CLIP2: variants seen among roughly 807,000 people sequenced by gnomAD.
CLIP2 encodes CAP-Gly domain-containing linker protein 2.
A neutral mutation model predicts 111.7 loss-of-function variants in CLIP2; 41 were observed. The observed-to-expected ratio is 0.37, with a 90% CI of 0.29 to 0.48. CLIP2 has a LOEUF of 0.48. CLIP2 is among the 20% of genes least tolerant of loss of function. The pLI is 0.99. For synonymous variants in CLIP2, 660 were observed against 644.2 expected (o/e 1.02, Z -0.37); for missense variants, 1,160 against 1,422.1 (o/e 0.82, Z 2.96).
chr7:74,327,782 G>T (rs1789158241), intron 2 of CLIP2, among the ~76,000 whole-genome samples: 1 of 152,180 alleles, frequency 6.6e-6, no homozygotes, highest in Non-Finnish European at 1.5e-5. Flanking sequence ...CGATCTGACG[G>T]GGCGGGGGTC....
At chr7:74,318,187 C>T (rs1210208001) in intron 2 of CLIP2, among the ~76,000 whole-genome samples, 2 of 151,564 alleles carry the variant, frequency 1.3e-5, no homozygotes, top group Admixed American at 6.6e-5. Flanking sequence ...GTAGAGGGAA[C>T]AGCACATGCA....
intron 6 of CLIP2, among the ~76,000 whole-genome samples, chr7:74,358,044 T>A (rs1243874191): frequency 1.4e-5 from 2 of 139,964 alleles, no homozygotes; most frequent in Non-Finnish European, 3.1e-5. Flanking sequence ...TGTGAGCCAC[T>A]GCAAGGGTTT....
Position 74,339,150 on chromosome 7 carries a change from C to T in CLIP2, c.678+146C>T, listed in dbSNP as rs1328389430. 1.2e-5 allele frequency: 8 copies of T among 681,096 alleles called. No homozygotes were observed. The African/African-American group carries it at 1.3e-4, about 11-fold the overall frequency. The allele number at this position is 681,096 out of a possible 1,614,324, so 42.2% of individuals were successfully genotyped here. A position where few individuals can be genotyped will look rare whatever the true frequency, so the allele number is the denominator to read the frequency against. ...AGGGTCCAGCCTGGGACACCCATTC[C>T]TTATCAGGACCATACAGAGTGACAA... is the stretch of plus-strand genomic sequence containing the variant. On this transcript the variant is annotated intron_variant, in intron 3 of 16. Transcript: ENST00000223398.
intron 1 of CLIP2, among the ~76,000 whole-genome samples, chr7:74,315,848 A>C (rs1307709941): frequency 1.3e-5 from 2 of 150,634 alleles, no homozygotes; most frequent in Admixed American, 1.3e-4. Context: ...TTGGGATTAC[A>C]GGCGTGAGCC....
chr7:74,337,457 G>A (rs1789505573), intron 2 of CLIP2, among the ~76,000 whole-genome samples: 1 of 152,078 alleles, frequency 6.6e-6, no homozygotes, highest in East Asian at 1.9e-4. Flanking sequence ...GTCCCACATA[G>A]GGGCCACAGG....
At chr7:74,383,020 C>T (rs915492721) in intron 11 of CLIP2, among the ~76,000 whole-genome samples, 2 of 143,972 alleles carry the variant, frequency 1.4e-5, no homozygotes, top group East Asian at 4.0e-4. Flanking sequence ...GTGGAGGCTG[C>T]AGTGAGCTAC....
chr7:74,293,708 T>C (rs1470051638), intron 1 of CLIP2, among the ~76,000 whole-genome samples: 2 of 152,164 alleles, frequency 1.3e-5, no homozygotes, highest in Non-Finnish European at 2.9e-5. Context: ...AATTAGCCAT[T>C]GTGCCACAGG....
chr7:74,343,722 G>A (rs368969528), intron 3 of CLIP2, among the ~76,000 whole-genome samples: 9 of 135,244 alleles, frequency 6.7e-5, no homozygotes, highest in Non-Finnish European at 1.1e-4. Flanking sequence ...GCAAGACCCC[G>A]TCTCTACTAA....
At chr7:74,346,082 G>C (rs1205421554) in intron 3 of CLIP2, among the ~76,000 whole-genome samples, 1 of 151,898 alleles carries the variant, frequency 6.6e-6, no homozygotes, top group Admixed American at 6.6e-5. Flanking sequence ...GGGTTCAAGC[G>C]ATCCTCCCAA....
chr7:74,385,689 G>A (rs1395514524), intron 11 of CLIP2, among the ~76,000 whole-genome samples: 2 of 151,646 alleles, frequency 1.3e-5, no homozygotes, highest in Admixed American at 1.3e-4. Flanking sequence ...TCACTTGAGG[G>A]GACTAAGGCT....
chr7:74,331,801 C>T lies in CLIP2; in HGVS notation c.122-6647C>T, dbSNP rs191177999. 2.3e-3 allele frequency among the ~76,000 whole-genome samples: 345 copies of T among 152,058 alleles called. 8 individuals are homozygous for T. Among genetic ancestry groups the T allele is most frequent in the Admixed American group, 0.019 (283 of 15,238 alleles). ...TGTTGGCCAGACTGGTCTTGAACTC[C>T]TGAACTCAGGTAATCCACCCGCCTC... On this transcript the variant is annotated intron_variant, in intron 2 of 16. Transcript: ENST00000223398.
chr7:74,328,329 A>G (rs554091962), intron 2 of CLIP2, among the ~76,000 whole-genome samples: 23 of 152,324 alleles, frequency 1.5e-4, no homozygotes, highest in East Asian at 1.2e-3. Context: ...AAGGAGGCTC[A>G]GGAGAGAAAG....
intron 3 of CLIP2, among the ~76,000 whole-genome samples, chr7:74,352,984 A>C (rs1313344082): frequency 6.6e-6 from 1 of 151,714 alleles, no homozygotes; most frequent in East Asian, 1.9e-4. Context: ...CTGTGTCTAC[A>C]AAAAATTTTT....
At chr7:74,321,005 G>A (rs56991723) in intron 2 of CLIP2, among the ~76,000 whole-genome samples, 11,428 of 152,034 alleles carry the variant, frequency 0.075, 707 homozygotes, top group African/African-American at 0.17. Flanking sequence ...GTTCCTCCCC[G>A]ATCTAGAGAG....
At chr7:74,332,460 CTTTTTT>C (rs386410474) in intron 2 of CLIP2, among the ~76,000 whole-genome samples, 2 of 110,324 alleles carry the variant, frequency 1.8e-5, no homozygotes, top group Admixed American at 2.2e-4. Flanking sequence ...CTAGAATTCT[CTTTTTT>C]TTTTTTTTTT....
chr7:74,361,519 C>G (rs1314172637), intron 7 of CLIP2, among the ~76,000 whole-genome samples: 1 of 151,734 alleles, frequency 6.6e-6, no homozygotes, highest in Non-Finnish European at 1.5e-5. Context: ...GCCCAGCCTC[C>G]TTTATTTTTC....
At position 74,338,342 on chromosome 7, in the gene CLIP2, A is replaced by C; in HGVS notation, c.122-106A>C. On this transcript the variant is annotated intron_variant, in intron 2 of 16. Transcript: ENST00000223398. The surrounding 1 kb of genome is among the most constrained non-coding windows in gnomAD (Gnocchi z 4.3). ...GATGGTGAAACCCCATCTCTACCCA[A>C]AAATACAAATCAGCCACCTCCCAAC... 1 of 1,266,782 alleles carries C rather than the reference A, an allele frequency of 7.9e-7. No individual in the cohort carries two copies. Among genetic ancestry groups the C allele is most frequent in the Non-Finnish European group, 1.1e-6 (1 of 933,204 alleles). 78.5% of individuals were successfully genotyped at this position (1,266,782 alleles called of 1,614,324 possible).
chr7:74,394,728 C>T (rs913460618), intron 13 of CLIP2, among the ~76,000 whole-genome samples: 3 of 152,208 alleles, frequency 2.0e-5, no homozygotes, highest in Non-Finnish European at 4.4e-5. Context: ...GAAACAGATG[C>T]GATGAGGCAA....
At chr7:74,304,661 A>C (rs1427818310) in intron 1 of CLIP2, among the ~76,000 whole-genome samples, 2 of 151,746 alleles carry the variant, frequency 1.3e-5, no homozygotes, top group Non-Finnish European at 2.9e-5. Flanking sequence ...AAACCTTAGA[A>C]ATATAACAAA....
Sources: allele counts gnomAD v4.1 joint callset (sites outside exome capture counted in the v4.1 genomes callset), GRCh38; gene constraint gnomAD v4.1.1; non-coding constraint Gnocchi (gnomAD v3.1); transcripts MANE v1.5; gene names NCBI Gene and HGNC (gene_info 2026-07-23, HGNC 2026-07-21).